Variants in MOV10 observed in about 807,000 individuals in gnomAD.
The protein encoded by MOV10 is Mov10 RNA helicase.
Under a neutral mutation model 108.4 loss-of-function variants are expected in MOV10, and 39 were observed. That is an observed-to-expected ratio of 0.36 (90% confidence interval 0.28 to 0.47). The LOEUF (loss-of-function observed/expected upper bound fraction) is 0.47. MOV10 is among the 20% of genes least tolerant of loss of function. The pLI is 1.00. For missense variants in MOV10, 952 were observed against 1,297.6 expected (o/e 0.73, Z 4.09); for synonymous variants, 490 against 523.1 (o/e 0.94, Z 0.86).
intron 2 of MOV10, among the ~76,000 whole-genome samples, chr1:112,687,507 G>T (rs1011192056): frequency 1.3e-5 from 2 of 152,200 alleles, no homozygotes; most frequent in Non-Finnish European, 2.9e-5. Flanking sequence ...TATGTGGCAC[G>T]TGGGAATGTC....
intron 14 of MOV10, among the ~76,000 whole-genome samples, chr1:112,697,177 CG>C (rs1372084196): frequency 3.3e-5 from 5 of 152,068 alleles, no homozygotes; most frequent in African/African-American, 1.2e-4. Flanking sequence ...GGGAGGAGGT[CG>C]GGCACAGTGG....
chr1:112,683,014 G>C (rs2101290373), intron 2 of MOV10, among the ~76,000 whole-genome samples: 1 of 150,520 alleles, frequency 6.6e-6, no homozygotes, highest in South Asian at 2.1e-4. Flanking sequence ...GCACCTCCCA[G>C]GTTCAAGCAA....
chr1:112,692,400 T>G (rs1331240488), intron 6 of MOV10, among the ~76,000 whole-genome samples: 1 of 152,196 alleles, frequency 6.6e-6, no homozygotes, highest in African/African-American at 2.4e-5. Context: ...GGTGCTGCTT[T>G]GCAGAAGGCC....
chr1:112,686,306 C>T (rs1015024374), intron 2 of MOV10, among the ~76,000 whole-genome samples: 2 of 152,170 alleles, frequency 1.3e-5, no homozygotes, highest in East Asian at 1.9e-4. Flanking sequence ...GCTTGTGCCT[C>T]GATCCATGGG....
chr1:112,700,147 AAGTAC>A, intron 19 of MOV10, 67 bp from the exon 20 acceptor site: 1 of 1,606,386 alleles, frequency 6.2e-7, no homozygotes, highest in South Asian at 1.1e-5. Context: ...GAGGTTGAGC[AAGTAC>A]AGCTCAGATG....
At chr1:112,682,358 G>A (rs1412949140) in intron 2 of MOV10, among the ~76,000 whole-genome samples, 1 of 152,110 alleles carries the variant, frequency 6.6e-6, no homozygotes, top group African/African-American at 2.4e-5. Context: ...TGAGTAGCTG[G>A]GACCATAGGC....
chr1:112,696,172 A>G lies in MOV10; in HGVS notation c.1804A>G (p.Lys602Glu). The change falls in exon 12 of 21, where the codon AAG becomes GAG. Residue 602 changes from lysine to glutamate, a missense_variant. Around this residue, in one of 5 missense-constraint regions of MOV10, gnomAD observed 453 missense variants for 611.5 expected, o/e 0.74. Coordinates refer to ENST00000369645, the MANE Select transcript of MOV10 (RefSeq NM_001321324.2). ...GCCCTGCTGCAACTGGGACGCAAAG[A>G]AGGGGGAGTATGTATTTCCCGCCAA... Reference protein sequence around the residue: ...IKPCCNWDAKKGEYVFPAKKK... With the variant: ...IKPCCNWDAKEGEYVFPAKKK... 6.2e-7 allele frequency: 1 copy of G among 1,613,758 alleles called. No homozygotes were observed. Among genetic ancestry groups the G allele is most frequent in the Non-Finnish European group, 8.5e-7 (1 of 1,179,866 alleles).
At chr1:112,699,048 G>C in intron 17 of MOV10, 1 of 480,950 alleles carries the variant, frequency 2.1e-6, no homozygotes, top group Non-Finnish European at 3.7e-6. Flanking sequence ...TCTGCCCTAA[G>C]GATAAAGTCC....
intron 7 of MOV10, 30 bp from the exon 8 acceptor site, chr1:112,693,988 C>T: frequency 6.2e-7 from 1 of 1,612,434 alleles, no homozygotes; most frequent in Non-Finnish European, 8.5e-7. Context: ...ATCCCTGGGA[C>T]AGAAGCTTGC....
At chr1:112,697,966 T>A (rs1674261308) in intron 14 of MOV10, 28 bp from the exon 15 acceptor site, 1 of 1,589,170 alleles carries the variant, frequency 6.3e-7, no homozygotes, top group East Asian at 2.2e-5. Flanking sequence ...TGACCCTTGG[T>A]CTTGCTTTTC....
chr1:112,681,097 C>T (rs907380294), intron 2 of MOV10, among the ~76,000 whole-genome samples: 4 of 152,064 alleles, frequency 2.6e-5, no homozygotes, highest in Non-Finnish European at 5.9e-5. Flanking sequence ...TGGACCCCTC[C>T]CCTTATGGGC....
rs761943431 is a variant in MOV10, at chr1:112,688,986, T to G, written c.189T>G (p.Ile63Met). The G allele has an allele frequency of 1.2e-6, 2 of 1,612,544 alleles. No individual in the cohort carries two copies. Among genetic ancestry groups the G allele is most frequent in the Admixed American group, 1.7e-5 (1 of 60,020 alleles). ...GFSSMLYGMK[I>M]ANLAYVTKTR... ...CCTCCATGCTGTATGGAATGAAGAT[T>G]GCAAATCTGGCCTACGTCACCAAGA... The change falls in exon 3 of 21, where the codon ATT becomes ATG. Residue 63 changes from isoleucine to methionine, a missense_variant. Around this residue, in one of 5 missense-constraint regions of MOV10, gnomAD observed 374 missense variants for 468.6 expected, o/e 0.80. Coordinates refer to ENST00000369645, the MANE Select transcript of MOV10 (RefSeq NM_001321324.2).
chr1:112,688,508 C>A, intron 2 of MOV10: 1 of 1,077,606 alleles, frequency 9.3e-7, no homozygotes, highest in Non-Finnish European at 1.1e-6. Context: ...ACCCCACATC[C>A]ACCCCTCTGA....
At chr1:112,683,167 G>T (rs1316569320) in intron 2 of MOV10, among the ~76,000 whole-genome samples, 4 of 151,524 alleles carry the variant, frequency 2.6e-5, no homozygotes, top group African/African-American at 7.3e-5. Flanking sequence ...TGTTCCATCC[G>T]CCTTGGCCTC....
intron 14 of MOV10, among the ~76,000 whole-genome samples, chr1:112,697,500 G>A (rs191097286): frequency 6.6e-6 from 1 of 152,052 alleles, no homozygotes. Context: ...GGAAGATACA[G>A]TTTTTTCATA....
chr1:112,694,513 G>C lies in MOV10; in HGVS notation c.1356G>C (p.Gln452His). The change falls in exon 9 of 21, where the codon CAG (glutamine) becomes CAC (histidine). Residue 452 changes from glutamine (Q) to histidine (H), a missense_variant. Physicochemically the swap from Gln to His is conservative, Grantham distance 24. This residue lies in a region of MOV10 where 453 missense variants were observed against 611.5 expected (regional missense o/e 0.74). Transcript: ENST00000369645. This position sits in a 1 kb window ranked among gnomAD's most constrained non-coding sequence, Gnocchi z 4.1. ...AGGTGAACTTTACCTTCAACCGCCA[G>C]CCGCTGCGAGTCCAGCACCGTGCCC... ...TFKVNFTFNRQPLRVQHRALE... is the reference protein window; with the variant it reads ...TFKVNFTFNRHPLRVQHRALE... 2 of 1,614,176 alleles carry C rather than the reference G, an allele frequency of 1.2e-6. No individual in the cohort carries two copies. Among genetic ancestry groups the C allele is most frequent in the Middle Eastern group, 3.3e-4 (2 of 6,054 alleles).
intron 16 of MOV10, 59 bp downstream of exon 16, chr1:112,698,537 T>C (rs1674326649): frequency 1.9e-6 from 3 of 1,553,038 alleles, no homozygotes; most frequent in African/African-American, 1.4e-5. Flanking sequence ...ACCTCCTTAA[T>C]ATCCAGACCA....
chr1:112,700,100 A>C (rs914184650), intron 19 of MOV10, 118 bp downstream of exon 19: 2 of 1,585,336 alleles, frequency 1.3e-6, no homozygotes, highest in African/African-American at 2.7e-5. Context: ...CCATTTTCAC[A>C]GCATCACTAT....
At chr1:112,684,394 A>G (rs1338213953) in intron 2 of MOV10, among the ~76,000 whole-genome samples, 1 of 151,158 alleles carries the variant, frequency 6.6e-6, no homozygotes, top group East Asian at 2.0e-4. Context: ...CAGCCTCCTG[A>G]GTAGCTGGGA....
Sources: allele counts gnomAD v4.1 joint callset (sites outside exome capture counted in the v4.1 genomes callset), GRCh38; gene constraint gnomAD v4.1.1; regional missense constraint gnomAD v4.1.1; non-coding constraint Gnocchi (gnomAD v3.1); transcripts MANE v1.5; gene names NCBI Gene and HGNC (gene_info 2026-07-23, HGNC 2026-07-21).